The following STK32A variants were observed in gnomAD, a reference collection of about 807,000 sequenced individuals.
STK32A encodes serine/threonine-protein kinase 32A.
STK32A carries 41 observed loss-of-function variants against 53.2 expected under a neutral mutation model. The observed-to-expected ratio is 0.77, with a 90% CI of 0.60 to 1.00. STK32A has a LOEUF of 1.00. STK32A is among the 50% of genes least tolerant of loss of function. The pLI, the probability that STK32A is intolerant of heterozygous loss-of-function variation, is 0.00. For missense variants in STK32A, 458 were observed against 485.8 expected, an observed-to-expected ratio of 0.94 and a Z score of 0.54; for synonymous variants, 166 against 162.8, an observed-to-expected ratio of 1.02 and a Z score of -0.15.
intron 9 of STK32A, 69 bp from the exon 10 acceptor site, chr5:147,373,100 G>T: frequency 6.3e-7 from 1 of 1,591,972 alleles, no homozygotes. Flanking sequence ...CATTTAGAGG[G>T]AATTTGTATG....
intron 2 of STK32A, among the ~76,000 whole-genome samples, chr5:147,260,924 C>T (rs1298196441): frequency 2.0e-5 from 3 of 152,224 alleles, no homozygotes; most frequent in Non-Finnish European, 4.4e-5. Context: ...CAGAATTTGA[C>T]CACCAAGGAA....
chr5:147,236,172 A>G (rs1359786586), intron 1 of STK32A, among the ~76,000 whole-genome samples: 1 of 152,128 alleles, frequency 6.6e-6, no homozygotes, highest in Non-Finnish European at 1.5e-5. Context: ...TTACCTGTTG[A>G]CAACCCCCAA....
At chr5:147,371,043 C>G (rs1395998268) in intron 9 of STK32A, among the ~76,000 whole-genome samples, 2 of 152,154 alleles carry the variant, frequency 1.3e-5, no homozygotes, top group Non-Finnish European at 2.9e-5. Context: ...ACTGGCTTCT[C>G]TATCCAAATC....
intron 5 of STK32A, among the ~76,000 whole-genome samples, chr5:147,335,649 T>A (rs1329361767): frequency 6.6e-6 from 1 of 152,204 alleles, no homozygotes; most frequent in Non-Finnish European, 1.5e-5. Flanking sequence ...GTGGCTTAAA[T>A]TGGGTCACCA....
intron 4 of STK32A, among the ~76,000 whole-genome samples, chr5:147,304,665 A>G (rs752652769): frequency 4.4e-4 from 67 of 152,210 alleles, no homozygotes; most frequent in Admixed American, 3.9e-3. Flanking sequence ...CTAGACAGAA[A>G]GACAACAGTC....
chr5:147,270,855 T>A (rs891675182), intron 2 of STK32A, among the ~76,000 whole-genome samples: 6 of 152,228 alleles, frequency 3.9e-5, no homozygotes, highest in Non-Finnish European at 8.8e-5. Flanking sequence ...TGATGCAACA[T>A]CTTTGAAGAG....
At chr5:147,372,528 G>C (rs774673989) in intron 9 of STK32A, among the ~76,000 whole-genome samples, 1 of 151,930 alleles carries the variant, frequency 6.6e-6, no homozygotes, top group Non-Finnish European at 1.5e-5. Flanking sequence ...AGGTTGCATG[G>C]TTGTCATCTT....
At position 147,237,307 on chromosome 5, in the gene STK32A, C is replaced by T. The variant is rs532815150; in HGVS notation, c.-97+2108C>T. 1.5e-4 allele frequency among the ~76,000 whole-genome samples: 22 copies of T among 151,142 alleles called. No individual in the cohort carries two copies. The East Asian group carries it at 4.1e-3, about 28-fold the overall frequency. Reference sequence around the variant, plus strand: ...CAGCCTGGGCAACAGAGCAAGACTCCATCTCAAAAAAAAAAAATTAATGTT... The same window carrying T: ...CAGCCTGGGCAACAGAGCAAGACTCTATCTCAAAAAAAAAAAATTAATGTT... On this transcript the variant is annotated intron_variant, in intron 1 of 12. Coordinates refer to ENST00000397936, the MANE Select transcript of STK32A (RefSeq NM_001112724.2).
intron 2 of STK32A, among the ~76,000 whole-genome samples, chr5:147,269,173 A>G (rs535873878): frequency 3.9e-5 from 6 of 152,324 alleles, no homozygotes; most frequent in African/African-American, 1.2e-4. Context: ...TTAGGATAAT[A>G]TATGTAACAT....
Position 147,351,048 on chromosome 5 carries a change from T to C in STK32A, c.473-17T>C, listed in dbSNP as rs1755950145. ...GAATGGGACTTAACTTTCTGTGTGGTTCTTCTCTCTCTGCAGGGCACGTGC... is the reference window on the plus strand; with the variant it reads ...GAATGGGACTTAACTTTCTGTGTGGCTCTTCTCTCTCTGCAGGGCACGTGC... On this transcript the variant is annotated splice_polypyrimidine_tract_variant and intron_variant, in intron 6 of 12. Coordinates refer to ENST00000397936, the MANE Select transcript of STK32A (RefSeq NM_001112724.2). 2 of 1,611,276 alleles carry C rather than the reference T, an allele frequency of 1.2e-6. No individual in the cohort carries two copies. Among genetic ancestry groups the C allele is most frequent in the African/African-American group, 1.3e-5 (1 of 74,870 alleles).
Position 147,284,613 on chromosome 5 carries a change from C to T in STK32A, c.260+5215C>T, listed in dbSNP as rs1427308756. 4.0e-5 allele frequency among the ~76,000 whole-genome samples: 6 copies of T among 151,192 alleles called. No homozygotes were observed. The East Asian group carries it at 9.7e-4, about 24-fold the overall frequency. On this transcript the variant is annotated intron_variant, in intron 4 of 12. Transcript: ENST00000397936. ...AATCAGTAGCTCTTCTATACACCAA[C>T]AGCAACCAAGTAGAGAACCAAATCA...
At chr5:147,301,546 A>C (rs1753136469) in intron 4 of STK32A, among the ~76,000 whole-genome samples, 2 of 152,146 alleles carry the variant, frequency 1.3e-5, no homozygotes, top group African/African-American at 4.8e-5. Flanking sequence ...GTTTTATTCT[A>C]TGTTTTTATA....
intron 4 of STK32A, among the ~76,000 whole-genome samples, chr5:147,289,141 A>G (rs931016671): frequency 6.7e-6 from 1 of 148,932 alleles, no homozygotes; most frequent in Non-Finnish European, 1.5e-5. Context: ...CATTCTCTAT[A>G]AGAGCATATG....
intron 4 of STK32A, among the ~76,000 whole-genome samples, chr5:147,292,331 A>G (rs771401226): frequency 3.9e-5 from 6 of 152,250 alleles, no homozygotes. Context: ...GTGTACTGTT[A>G]CAGAAGAAAA....
At chr5:147,295,873 A>G (rs1047782314) in intron 4 of STK32A, among the ~76,000 whole-genome samples, 3 of 152,236 alleles carry the variant, frequency 2.0e-5, no homozygotes, top group Non-Finnish European at 2.9e-5. Context: ...CTTCAAAAAC[A>G]CAGAGCGGAG....
At chr5:147,349,632 T>C (rs1317454839) in intron 6 of STK32A, among the ~76,000 whole-genome samples, 2 of 152,148 alleles carry the variant, frequency 1.3e-5, no homozygotes, top group Non-Finnish European at 2.9e-5. Flanking sequence ...TATATTGCTT[T>C]GAGTGTTAAA....
the STK32A span, chr5:147,393,073 A>T: frequency 1.2e-4 from 19 of 152,318 alleles, no homozygotes; most frequent in Admixed American, 1.2e-3. Flanking sequence ...CTGACTTGGG[A>T]TGCCAGAAGC....
chr5:147,247,215 G>C (rs562779106), intron 2 of STK32A, among the ~76,000 whole-genome samples: 24 of 152,340 alleles, frequency 1.6e-4, no homozygotes, highest in Admixed American at 3.9e-4. Context: ...CCTTGCAAAT[G>C]TCAACTCGAT....
intron 2 of STK32A, among the ~76,000 whole-genome samples, chr5:147,264,225 A>C (rs962402083): frequency 6.6e-6 from 1 of 152,228 alleles, no homozygotes. Flanking sequence ...GGGGCACTGC[A>C]TGCAAGAGCC....
Sources: gnomAD v4.1 joint callset for allele counts (sites outside exome capture counted in the v4.1 genomes callset) on GRCh38, gnomAD v4.1.1 for gene constraint, MANE v1.5 for transcripts, NCBI Gene and HGNC (gene_info 2026-07-23, HGNC 2026-07-21) for gene names.